Variants in GOLGA3 observed in about 807,000 individuals in gnomAD.
The protein encoded by GOLGA3 is golgin A3, also known as golgin subfamily A member 3.
Under a neutral mutation model 169.4 loss-of-function variants are expected in GOLGA3, and 75 were observed. The ratio of observed to expected loss-of-function variants is 0.44; its 90% CI spans 0.37 to 0.54. The LOEUF is 0.54. Ranked by LOEUF, GOLGA3 falls within the 20% of genes least tolerant of loss-of-function variation. GOLGA3 has a pLI of 0.00. For missense variants in GOLGA3, 1,899 were observed against 1,930.0 expected (o/e 0.98, Z 0.30); for synonymous variants, 824 against 822.4 (o/e 1.00, Z -0.03).
In GOLGA3 at chr12:132,790,258, T is replaced by A. The variant is rs7296991; in HGVS notation, c.2547+958A>T. 5.1e-3 allele frequency among the ~76,000 whole-genome samples: 771 copies of A among 152,028 alleles called. 3 individuals carry two copies. The highest frequency in any genetic ancestry group is 0.018 in the African/African-American group (747 of 41,454). Reference sequence around the variant, plus strand: ...CTGAGGCAAGAGAATGGCGTGAACCTGGGAGGCGGAGCTTGCAGTGAGCCG... The same window carrying A: ...CTGAGGCAAGAGAATGGCGTGAACCAGGGAGGCGGAGCTTGCAGTGAGCCG... On this transcript the variant is annotated intron_variant, in intron 12 of 23. Coordinates refer to ENST00000450791, the MANE Select transcript of GOLGA3 (RefSeq NM_001389683.1).
chr12:132,801,668 G>A, intron 8 of GOLGA3, 99 bp downstream of exon 8: 5 of 1,148,530 alleles, frequency 4.4e-6, no homozygotes, highest in Non-Finnish European at 5.1e-6. Flanking sequence ...ACAAAAACAT[G>A]CCTGTGAACT....
Position 132,816,720 on chromosome 12 carries a change from G to A in GOLGA3, c.226C>T (p.Pro76Ser). The change falls in exon 3 of 24, where the codon CCA (proline) becomes TCA (serine). Residue 76 changes from proline to serine, a missense_variant. By Grantham distance (74) the Pro-to-Ser change is moderately conservative. Coordinates refer to ENST00000450791, the MANE Select transcript of GOLGA3 (RefSeq NM_001389683.1). ...GGATCGAGAGACGACGGAGGGTCTG[G>A]GAAGGGTGGCGTTGGCCCGTTCTGA... ...LCQNGPTPPFPDPPSSLDPTT... is the reference protein window; with the variant it reads ...LCQNGPTPPFSDPPSSLDPTT... The A allele has an allele frequency of 6.2e-7, 1 of 1,614,082 alleles. No individual in the cohort carries two copies. The highest frequency in any genetic ancestry group is 8.5e-7 in the Non-Finnish European group (1 of 1,179,980).
chr12:132,808,665 C>CA, intron 4 of GOLGA3, 116 bp from the exon 5 acceptor site: 1 of 811,482 alleles, frequency 1.2e-6, no homozygotes, highest in Non-Finnish European at 2.0e-6. Flanking sequence ...AACCAGAGAG[C>CA]ACCACCTCCC....
intron 12 of GOLGA3, among the ~76,000 whole-genome samples, chr12:132,790,334 A>AAAAAT (rs1228557607): frequency 6.6e-6 from 1 of 152,140 alleles, no homozygotes; most frequent in Non-Finnish European, 1.5e-5. Context: ...ACTTCATCTC[A>AAAAAT]AAAATAAAAT....
chr12:132,821,201 G>A (rs112800754), intron 2 of GOLGA3, among the ~76,000 whole-genome samples: 17,148 of 150,598 alleles, frequency 0.11, 1,298 homozygotes, highest in Non-Finnish European at 0.17. Context: ...GAGGTTGGGA[G>A]TTCGTGGCCA....
intron 17 of GOLGA3, among the ~76,000 whole-genome samples, chr12:132,781,488 G>A (rs1227372690): frequency 1.3e-5 from 2 of 152,114 alleles, no homozygotes; most frequent in African/African-American, 4.8e-5. Flanking sequence ...GAACCCGGGA[G>A]GCAGGGAGCC....
rs1248917702 is a variant in GOLGA3, at chr12:132,775,180, C to A, written c.4104G>T (p.Gln1368His). ...NNMKTLLQQN[Q>H]QLKLDLRRGA... ...CGCGGCGTAGGTCCAGCTTGAGCTGCTGGTTCTGCTGGAGCAGGGTCTTCA... is the reference window on the plus strand; with the variant it reads ...CGCGGCGTAGGTCCAGCTTGAGCTGATGGTTCTGCTGGAGCAGGGTCTTCA... Residue 1368 changes from glutamine (Q) to histidine (H), a missense_variant, in exon 22 of 24, where the codon CAG becomes CAT. Transcript: ENST00000450791. 6 of 1,614,138 alleles carry A rather than the reference C, an allele frequency of 3.7e-6. No individual in the cohort carries two copies. The highest frequency in any genetic ancestry group is 4.2e-6 in the Non-Finnish European group (5 of 1,180,028).
At chr12:132,802,028 C>T in intron 7 of GOLGA3, 59 bp from the exon 8 acceptor site, 1 of 1,349,300 alleles carries the variant, frequency 7.4e-7, no homozygotes, top group African/African-American at 1.4e-5. Context: ...GAGTCCGCAG[C>T]TCCGCGCGTG....
chr12:132,822,156 G>A lies in GOLGA3; in HGVS notation c.-28C>T, dbSNP rs1011052519. The stretch of plus-strand genomic sequence containing the variant: ...TCAGGACGACACCAGCTGAGCTGAC[G>A]CTGAGGGGCTACAAGTGAACCTTGG... On this transcript the variant is annotated 5_prime_UTR_variant, in exon 2 of 24. Transcript: ENST00000450791. 1.1e-5 allele frequency: 18 copies of A among 1,584,808 alleles called. No homozygotes were observed. The highest frequency in any genetic ancestry group is 1.8e-5 in the Admixed American group (1 of 54,590).
intron 3 of GOLGA3, among the ~76,000 whole-genome samples, chr12:132,814,016 G>T (rs1176181855): frequency 7.3e-6 from 1 of 137,254 alleles, no homozygotes. Flanking sequence ...GAGCCACCGC[G>T]CCCGGCCTTT....
At chr12:132,791,432 T>A in intron 11 of GOLGA3, 139 bp from the exon 12 acceptor site, 1 of 579,210 alleles carries the variant, frequency 1.7e-6, no homozygotes, top group Non-Finnish European at 3.1e-6. Context: ...GGACACATCC[T>A]CACAGATGTT....
chr12:132,811,176 C>T (rs1221498703), intron 4 of GOLGA3, among the ~76,000 whole-genome samples: 1 of 152,160 alleles, frequency 6.6e-6, no homozygotes, highest in African/African-American at 2.4e-5. Context: ...GGGCCACTAC[C>T]TGTCTCCACG....
chr12:132,820,388 A>G (rs1950157619), intron 2 of GOLGA3, among the ~76,000 whole-genome samples: 1 of 152,230 alleles, frequency 6.6e-6, no homozygotes, highest in African/African-American at 2.4e-5. Flanking sequence ...GGAGGCTGAG[A>G]TTAACCCAGC....
At chr12:132,807,038 A>G in intron 6 of GOLGA3, 139 bp downstream of exon 6, 1 of 567,906 alleles carries the variant, frequency 1.8e-6, no homozygotes, top group Non-Finnish European at 3.2e-6. Context: ...AAAAACGTAA[A>G]GATGCAGAAC....
Position 132,795,924 on chromosome 12 carries a change from C to A in GOLGA3, c.2397G>T (p.Leu799Phe). The part of the protein sequence containing the change: ...KEELDRGARR[L>F]EEGTEETSET... ...CCGACGTTTCCTCGGTACCTTCTTC[C>A]AAGCGTCTTGCTCCTCTGTCAAGCT... Residue 799 changes from leucine to phenylalanine, a missense_variant, in exon 11 of 24, where the codon TTG becomes TTT. Physicochemically the swap from Leu to Phe is conservative, Grantham distance 22. Transcript: ENST00000450791. 3.1e-6 allele frequency: 5 copies of A among 1,614,132 alleles called. No homozygotes were observed. The highest frequency in any genetic ancestry group is 4.2e-6 in the Non-Finnish European group (5 of 1,180,032).
rs371498670 is a variant in GOLGA3 at position 132,812,058 on chromosome 12, C to T, written c.519+1249G>A. On this transcript the variant is annotated intron_variant, in intron 4 of 23. Transcript: ENST00000450791. ...AAAAAAGTAGCCGGGCATGGTGGCA[C>T]GTGCTTTTAATCCCAGTTACTCGGG... Among the ~76,000 whole-genome samples, 20 of 146,780 alleles carry T rather than the reference C, an allele frequency of 1.4e-4. No individual in the cohort carries two copies. The East Asian group carries it at 1.4e-3, about 10-fold the overall frequency.
At chr12:132,775,941 G>A (rs1180192792) in intron 21 of GOLGA3, among the ~76,000 whole-genome samples, 2 of 152,242 alleles carry the variant, frequency 1.3e-5, no homozygotes, top group African/African-American at 2.4e-5. Context: ...TTCTTGGTCC[G>A]TGACACACAG....
intron 15 of GOLGA3, 134 bp from the exon 16 acceptor site, chr12:132,784,441 C>A: frequency 1.3e-6 from 1 of 741,456 alleles, no homozygotes; most frequent in Non-Finnish European, 2.2e-6. Context: ...GTCTCACAAC[C>A]TTCCTTTTTG....
At chr12:132,779,849 C>A (rs2045467539) in intron 18 of GOLGA3, among the ~76,000 whole-genome samples, 1 of 104,254 alleles carries the variant, frequency 9.6e-6, no homozygotes, top group Non-Finnish European at 2.2e-5. Context: ...GGACACCCCC[C>A]CGCGCACATA....
Sources: allele counts gnomAD v4.1 joint callset (sites outside exome capture counted in the v4.1 genomes callset), GRCh38; gene constraint gnomAD v4.1.1; transcripts MANE v1.5; gene names NCBI Gene and HGNC (gene_info 2026-07-23, HGNC 2026-07-21).